LRRC69: variants seen among roughly 807,000 people sequenced by gnomAD.
LRRC69 encodes leucine-rich repeat-containing protein 69.
In LRRC69, 42 loss-of-function variants were observed where a neutral mutation model predicts 37.8. The ratio of observed to expected loss-of-function variants is 1.11; its 90% confidence interval spans 0.87 to 1.44. The LOEUF is 1.44. Ranked by LOEUF, LRRC69 falls within the 40% of genes most tolerant of loss-of-function variation. The pLI, the probability that LRRC69 is intolerant of heterozygous loss-of-function variation, is 0.00. For missense variants in LRRC69, 357 were observed against 401.9 expected (o/e 0.89, Z 0.96); for synonymous variants, 141 against 143.1 (o/e 0.99, Z 0.11).
At chr8:91,184,528 A>T (rs1157519204) in intron 5 of LRRC69, among the ~76,000 whole-genome samples, 1 of 152,084 alleles carries the variant, frequency 6.6e-6, no homozygotes, top group Admixed American at 6.6e-5. Context: ...TATCCTTCAA[A>T]TTCTTCTTTC....
At chr8:91,211,445 A>G (rs1440043189) in intron 7 of LRRC69, among the ~76,000 whole-genome samples, 2 of 151,384 alleles carry the variant, frequency 1.3e-5, no homozygotes, top group Non-Finnish European at 3.0e-5. Flanking sequence ...AAAAATTTAA[A>G]TGCCGTTCAT....
At chr8:91,159,381 C>G (rs766620442) in intron 5 of LRRC69, among the ~76,000 whole-genome samples, 1 of 151,124 alleles carries the variant, frequency 6.6e-6, no homozygotes, top group Non-Finnish European at 1.5e-5. Context: ...TCAAAATAGA[C>G]CTGTGGCAGA....
exon 3 of LRRC69, chr8:91,127,112 T>G: frequency 6.5e-7 from 1 of 1,548,906 alleles, no homozygotes; most frequent in South Asian, 1.2e-5. Flanking sequence ...TTAATCCTGC[T>G]TAATCTGAAC....
intron 5 of LRRC69, among the ~76,000 whole-genome samples, chr8:91,144,326 T>G (rs1379213556): frequency 1.3e-5 from 2 of 151,954 alleles, no homozygotes; most frequent in Non-Finnish European, 2.9e-5. Context: ...ATTCCCCATG[T>G]TGTCTTTGCC....
chr8:91,171,518 G>A (rs985066422), intron 5 of LRRC69, among the ~76,000 whole-genome samples: 19 of 152,014 alleles, frequency 1.2e-4, no homozygotes, highest in African/African-American at 2.4e-4. Flanking sequence ...AGATATGTGG[G>A]AGAGTTTTCA....
chr8:91,119,545 C>T (rs979898349), intron 1 of LRRC69, among the ~76,000 whole-genome samples: 1 of 151,990 alleles, frequency 6.6e-6, no homozygotes, highest in Admixed American at 6.6e-5. Flanking sequence ...GTCAAAGGAC[C>T]ATGTGGTTAT....
chr8:91,189,471 G>A, intron 5 of LRRC69, 51 bp from the exon 6 acceptor site: 1 of 1,125,434 alleles, frequency 8.9e-7, no homozygotes, highest in Non-Finnish European at 1.3e-6. Context: ...TAGCTTTAGA[G>A]GTAGTTTCAT....
At chr8:91,156,860 C>T (rs1349815073) in intron 5 of LRRC69, among the ~76,000 whole-genome samples, 3 of 150,940 alleles carry the variant, frequency 2.0e-5, no homozygotes, top group African/African-American at 4.8e-5. Flanking sequence ...TTCCCAGCAC[C>T]GTTTTTTGAA....
intron 5 of LRRC69, chr8:91,158,796 T>A: frequency 1.3e-6 from 1 of 757,004 alleles, no homozygotes; most frequent in Non-Finnish European, 2.4e-6. Flanking sequence ...GAAAAACCAA[T>A]GATTCATAAC....
At chr8:91,171,011 G>T (rs556372159) in intron 5 of LRRC69, among the ~76,000 whole-genome samples, 1 of 148,934 alleles carries the variant, frequency 6.7e-6, no homozygotes, top group Admixed American at 6.7e-5. Flanking sequence ...ATCTGACAAA[G>T]GGCTAATATC....
At chr8:91,115,526 C>T (rs1312319366) in intron 1 of LRRC69, among the ~76,000 whole-genome samples, 1 of 151,838 alleles carries the variant, frequency 6.6e-6, no homozygotes, top group Non-Finnish European at 1.5e-5. Flanking sequence ...ATTAGTCATA[C>T]CAGTTTCTGA....
At chr8:91,149,799 A>C (rs1808696122) in intron 5 of LRRC69, among the ~76,000 whole-genome samples, 1 of 152,046 alleles carries the variant, frequency 6.6e-6, no homozygotes, top group Admixed American at 6.6e-5. Context: ...GAGGTCCTTC[A>C]CGTCCCTTGT....
chr8:91,104,884 G>A (rs1813281022), intron 1 of LRRC69, among the ~76,000 whole-genome samples: 1 of 152,066 alleles, frequency 6.6e-6, no homozygotes, highest in African/African-American at 2.4e-5. Context: ...TTAGTAAAAA[G>A]TTACACATTC....
At chr8:91,151,792 C>T (rs935834485) in intron 5 of LRRC69, among the ~76,000 whole-genome samples, 5 of 151,644 alleles carry the variant, frequency 3.3e-5, no homozygotes, top group African/African-American at 1.2e-4. Flanking sequence ...TTCTCTGCAG[C>T]CTTGCCAGGA....
At chr8:91,217,009 T>A (rs1193986571) in intron 7 of LRRC69, among the ~76,000 whole-genome samples, 1 of 152,166 alleles carries the variant, frequency 6.6e-6, no homozygotes, top group Non-Finnish European at 1.5e-5. Context: ...ACCTTTTTCT[T>A]ATATTGTGAA....
chr8:91,140,332 T>G (rs1336710694), intron 5 of LRRC69, among the ~76,000 whole-genome samples: 2 of 151,996 alleles, frequency 1.3e-5, no homozygotes, highest in East Asian at 1.9e-4. Flanking sequence ...GTCCTCTGCT[T>G]CTTGAATGAA....
Position 91,121,126 on chromosome 8 carries a change from A to G in LRRC69, c.184-3367A>G, listed in dbSNP as rs909443292. The stretch of plus-strand genomic sequence containing the variant: ...GGCTCTTCATCCAAAGCATATCCCA[A>G]ACCCATCCACGTCTCTCCAGGTCCA... On this transcript the variant is annotated intron_variant, in intron 1 of 7. Transcript: ENST00000448384. Among the ~76,000 whole-genome samples the G allele has an allele frequency of 9.9e-5, 15 of 151,938 alleles. No individual in the cohort carries two copies. In the Middle Eastern group the frequency reaches 0.01, roughly 103 times the overall value.
chr8:91,195,370 C>G (rs1429170078), intron 6 of LRRC69, among the ~76,000 whole-genome samples: 1 of 151,340 alleles, frequency 6.6e-6, no homozygotes, highest in Non-Finnish European at 1.5e-5. Flanking sequence ...CCGCTTGGTG[C>G]AGAGCTGAGT....
intron 5 of LRRC69, among the ~76,000 whole-genome samples, chr8:91,152,172 A>G (rs911364650): frequency 5.9e-5 from 9 of 151,450 alleles, no homozygotes; most frequent in Non-Finnish European, 7.4e-5. Flanking sequence ...TTTTGTTGCC[A>G]TTGCTTTTGG....
Sources: gnomAD v4.1 joint callset for allele counts (sites outside exome capture counted in the v4.1 genomes callset) on GRCh38, gnomAD v4.1.1 for gene constraint, MANE v1.5 for transcripts, NCBI Gene and HGNC (gene_info 2026-07-23, HGNC 2026-07-21) for gene names.